Variants in CDH8 observed in about 807,000 individuals in gnomAD.
CDH8 encodes cadherin 8, also known as cadherin-8.
Under a neutral mutation model 68.1 loss-of-function variants are expected in CDH8, and 17 were observed. That is an observed-to-expected ratio of 0.25 (90% CI 0.17 to 0.37). The LOEUF is 0.37. Among genes scored for constraint, CDH8 ranks in the 10% least tolerant of loss-of-function variants. The pLI is 1.00. For synonymous variants in CDH8, 372 were observed against 365.1 expected (o/e 1.02, Z -0.21); for missense variants, 763 against 999.3 (o/e 0.76, Z 3.19).
At chr16:61,931,913 A>T (rs1217062961) in intron 2 of CDH8, among the ~76,000 whole-genome samples, 1 of 152,186 alleles carries the variant, frequency 6.6e-6, no homozygotes, top group Non-Finnish European at 1.5e-5. Context: ...ATAGAATATA[A>T]TGAAAAAGCA....
At chr16:61,967,946 T>C (rs975646252) in intron 2 of CDH8, among the ~76,000 whole-genome samples, 1 of 152,108 alleles carries the variant, frequency 6.6e-6, no homozygotes, top group African/African-American at 2.4e-5. Flanking sequence ...GTAGCTGGGA[T>C]TACAGGCGCC....
chr16:61,652,381 A>G lies in CDH8; in HGVS notation c.*1227T>C, dbSNP rs1449918409. The G allele has an allele frequency of 8.1e-6, 8 of 985,106 alleles. No homozygotes were observed. The highest frequency in any genetic ancestry group is 9.6e-6 in the Non-Finnish European group (8 of 829,640). The allele number at this position is 985,106 out of a possible 1,614,324, so 61.0% of individuals were successfully genotyped here. ...GGGCAGGGCATGATGTAGGTATCTA[A>G]AAGTCTAGAGTTTAAATATTCACAG... On this transcript the variant is annotated 3_prime_UTR_variant, in exon 12 of 12. Coordinates refer to ENST00000577390, the MANE Select transcript of CDH8 (RefSeq NM_001796.5).
intron 2 of CDH8, among the ~76,000 whole-genome samples, chr16:61,964,115 A>C (rs1965205354): frequency 6.6e-6 from 1 of 152,254 alleles, no homozygotes; most frequent in South Asian, 2.1e-4. Flanking sequence ...GATATCAACA[A>C]GACTTAAAAG....
chr16:61,880,214 G>A (rs115458794), intron 3 of CDH8, among the ~76,000 whole-genome samples: 37 of 152,258 alleles, frequency 2.4e-4, no homozygotes, highest in African/African-American at 8.4e-4. Flanking sequence ...GTAAGCCACC[G>A]TGCCCGGCCA....
At chr16:61,851,807 T>C (rs1295551561) in intron 4 of CDH8, among the ~76,000 whole-genome samples, 1 of 152,090 alleles carries the variant, frequency 6.6e-6, no homozygotes, top group Non-Finnish European at 1.5e-5. Context: ...CCAACACCTA[T>C]GGATAGAGGA....
At chr16:61,897,154 T>C (rs769870520) in intron 3 of CDH8, among the ~76,000 whole-genome samples, 3 of 150,872 alleles carry the variant, frequency 2.0e-5, no homozygotes, top group East Asian at 3.9e-4. Context: ...GTGTGGATTA[T>C]TGAAATGTCT....
At chr16:61,812,961 G>T (rs576109146) in intron 7 of CDH8, among the ~76,000 whole-genome samples, 1 of 152,242 alleles carries the variant, frequency 6.6e-6, no homozygotes, top group East Asian at 1.9e-4. Context: ...AATTACGTGA[G>T]ATAATACATA....
chr16:61,822,689 G>C (rs1274949916), intron 5 of CDH8, among the ~76,000 whole-genome samples: 1 of 151,868 alleles, frequency 6.6e-6, no homozygotes, highest in Non-Finnish European at 1.5e-5. Flanking sequence ...CACTGCAAGC[G>C]AAGTCTCCCA....
chr16:61,957,359 C>T (rs1172439216), intron 2 of CDH8, among the ~76,000 whole-genome samples: 2 of 152,088 alleles, frequency 1.3e-5, no homozygotes, highest in African/African-American at 4.8e-5. Context: ...GAAAGAATGT[C>T]GATTTAAGAG....
At chr16:61,958,626 T>C (rs1965025324) in intron 2 of CDH8, among the ~76,000 whole-genome samples, 1 of 152,168 alleles carries the variant, frequency 6.6e-6, no homozygotes, top group African/African-American at 2.4e-5. Flanking sequence ...GATTTGATCC[T>C]CAGTTTCTTC....
intron 1 of CDH8, among the ~76,000 whole-genome samples, chr16:62,027,570 G>A (rs1902223769): frequency 6.6e-6 from 1 of 152,190 alleles, no homozygotes; most frequent in African/African-American, 2.4e-5. Context: ...GGACCAGTGA[G>A]TTTCTATTAA....
At chr16:61,886,698 T>G (rs1247477246) in intron 3 of CDH8, among the ~76,000 whole-genome samples, 1 of 152,226 alleles carries the variant, frequency 6.6e-6, no homozygotes, top group Non-Finnish European at 1.5e-5. Context: ...GGGTCCTGGC[T>G]TTACCCTTTT....
At chr16:61,904,356 G>A (rs962232010) in intron 2 of CDH8, among the ~76,000 whole-genome samples, 10 of 151,838 alleles carry the variant, frequency 6.6e-5, no homozygotes, top group African/African-American at 2.4e-4. Flanking sequence ...GTCAACGTAC[G>A]CCCCCTAAGA....
At chr16:61,741,289 C>T (rs530466130) in intron 8 of CDH8, among the ~76,000 whole-genome samples, 1 of 152,136 alleles carries the variant, frequency 6.6e-6, no homozygotes, top group African/African-American at 2.4e-5. Context: ...TAATGTGAGT[C>T]CTTTAGTAGA....
intron 7 of CDH8, among the ~76,000 whole-genome samples, chr16:61,801,812 C>T (rs1961647475): frequency 1.3e-5 from 2 of 152,198 alleles, no homozygotes; most frequent in Non-Finnish European, 2.9e-5. Flanking sequence ...CTCGGAGGGC[C>T]CTACGCCCAC....
At chr16:61,698,128 A>G (rs4784150) in intron 10 of CDH8, among the ~76,000 whole-genome samples, 6,017 of 152,294 alleles carry the variant, frequency 0.04, 419 homozygotes, top group East Asian at 0.27. Context: ...CATGAAATGC[A>G]TTCACTCATT....
Position 61,821,457 on chromosome 16 carries a change from C to T in CDH8, c.836-344G>A, listed in dbSNP as rs554573891. On this transcript the variant is annotated intron_variant, in intron 5 of 11. Transcript: ENST00000577390. Reference sequence around the variant, plus strand: ...TTTTTTCCTTTTTGCTGTATAATCACATTTACTGCCCATGGGGATATTCGT... The same window carrying T: ...TTTTTTCCTTTTTGCTGTATAATCATATTTACTGCCCATGGGGATATTCGT... Among the ~76,000 whole-genome samples the T allele has an allele frequency of 3.3e-5, 5 of 152,136 alleles. No homozygotes were observed. In the East Asian group the frequency reaches 9.7e-4, roughly 30 times the overall value.
chr16:61,856,992 A>G lies in CDH8; in HGVS notation c.667+127T>C, dbSNP rs1267314026. On this transcript the variant is annotated intron_variant, in intron 4 of 11. Coordinates refer to ENST00000577390, the MANE Select transcript of CDH8 (RefSeq NM_001796.5). Reference sequence around the variant, plus strand: ...GGGCTCACTGTGTACCTCATGTCGCATATTCAAATATTATTGATGCAGGCA... The same window carrying G: ...GGGCTCACTGTGTACCTCATGTCGCGTATTCAAATATTATTGATGCAGGCA... 4.6e-6 allele frequency: 5 copies of G among 1,082,456 alleles called. No homozygotes were observed. The African/African-American group carries it at 4.7e-5, about 10-fold the overall frequency. The allele number at this position is 1,082,456 out of a possible 1,614,324, so 67.1% of individuals were successfully genotyped here.
chr16:61,722,220 T>A (rs1462842799), intron 9 of CDH8, among the ~76,000 whole-genome samples: 1 of 150,816 alleles, frequency 6.6e-6, no homozygotes, highest in Non-Finnish European at 1.5e-5. Context: ...CCTATTCTGT[T>A]GGCTAGAAGA....
Sources: allele counts gnomAD v4.1 joint callset (sites outside exome capture counted in the v4.1 genomes callset), GRCh38; gene constraint gnomAD v4.1.1; transcripts MANE v1.5; gene names NCBI Gene and HGNC (gene_info 2026-07-23, HGNC 2026-07-21).